The following DCAF8L2 variants were observed in gnomAD, a reference collection of about 807,000 sequenced individuals.
The protein encoded by DCAF8L2 is DDB1 and CUL4 associated factor 8 like 2.
For missense variants in DCAF8L2, 430 were observed against 490.7 expected, an observed-to-expected ratio of 0.88 and a Z score of 1.17; for synonymous variants, 200 against 190.9, an observed-to-expected ratio of 1.05 and a Z score of -0.39.
chrX:27,725,697 C>T (rs1932047740), intron 4 of DCAF8L2, among the ~76,000 whole-genome samples: 1 of 104,903 alleles, frequency 9.5e-6, no homozygotes, highest in Non-Finnish European at 2.0e-5. Flanking sequence ...GATAGTGTTA[C>T]AAGTAGAATA....
intron 3 of DCAF8L2, among the ~76,000 whole-genome samples, chrX:27,692,827 T>G (rs753600498): frequency 9.0e-6 from 1 of 110,864 alleles, no homozygotes; most frequent in Non-Finnish European, 1.9e-5. Flanking sequence ...TCTACTACCA[T>G]TTAGTGGGTA....
intron 4 of DCAF8L2, 73 bp downstream of exon 4, chrX:27,716,244 A>T (rs1242646933): frequency 8.9e-6 from 1 of 111,873 alleles, no homozygotes; most frequent in African/African-American, 3.3e-5. Context: ...CTTAGTGGTT[A>T]AAAAGCTTTA....
chrX:27,588,342 G>A (rs2147103636), upstream of DCAF8L2, among the ~76,000 whole-genome samples: 1 of 110,485 alleles, frequency 9.1e-6, no homozygotes, highest in African/African-American at 3.3e-5. Context: ...TATCTTTTTT[G>A]TGGCTGCATA....
chrX:27,636,331 A>T (rs1193487778), intron 2 of DCAF8L2, among the ~76,000 whole-genome samples: 5 of 112,155 alleles, frequency 4.5e-5, no homozygotes, highest in African/African-American at 6.5e-5. Flanking sequence ...ATTTATTATT[A>T]AACCCATTTC....
the DCAF8L2 span, among the ~76,000 whole-genome samples, chrX:27,498,856 T>A: frequency 8.9e-6 from 1 of 112,231 alleles, no homozygotes; most frequent in Non-Finnish European, 1.9e-5. Context: ...CCTAGGTTGA[T>A]CTGTGTTGTC....
the DCAF8L2 span, among the ~76,000 whole-genome samples, chrX:27,477,445 G>A: frequency 8.2e-5 from 9 of 110,387 alleles, no homozygotes; most frequent in African/African-American, 2.6e-4. Flanking sequence ...CCACCACCAC[G>A]CCCAGCTAAT....
intron 2 of DCAF8L2, among the ~76,000 whole-genome samples, chrX:27,651,238 C>T (rs1321096564): frequency 2.7e-5 from 3 of 111,127 alleles, no homozygotes; most frequent in African/African-American, 9.8e-5. Context: ...TTCATCAGGG[C>T]TATTGGCCTG....
At chrX:27,492,461 T>C in the DCAF8L2 span, among the ~76,000 whole-genome samples, 1 of 107,879 alleles carries the variant, frequency 9.3e-6, no homozygotes, top group Non-Finnish European at 1.9e-5. Context: ...TAACTCCATG[T>C]TTTTCTTTTT....
At chrX:27,725,830 G>A (rs1932052780) in intron 4 of DCAF8L2, among the ~76,000 whole-genome samples, 1 of 110,128 alleles carries the variant, frequency 9.1e-6, no homozygotes, top group Non-Finnish European at 1.9e-5. Context: ...CATCTTTTAA[G>A]TGTAAATATA....
chrX:27,580,403 TC>T, the DCAF8L2 span, among the ~76,000 whole-genome samples: 3 of 111,346 alleles, frequency 2.7e-5, no homozygotes, highest in African/African-American at 9.8e-5. Context: ...TAAAGCTATT[TC>T]CCCCTTCTGC....
chrX:27,540,758 G>A, the DCAF8L2 span, among the ~76,000 whole-genome samples: 1 of 111,759 alleles, frequency 8.9e-6, no homozygotes, highest in Non-Finnish European at 1.9e-5. Flanking sequence ...AAATGTTTGA[G>A]GTGATGGATA....
At chrX:27,746,650 C>T (rs1277168727) in intron 4 of DCAF8L2, among the ~76,000 whole-genome samples, 188 bp from the exon 5 acceptor site, 1 of 111,969 alleles carries the variant, frequency 8.9e-6, no homozygotes, top group Non-Finnish European at 1.9e-5. Context: ...AAAACTAGAG[C>T]AGTCTGGATG....
the DCAF8L2 span, among the ~76,000 whole-genome samples, chrX:27,485,515 G>A: frequency 1.2e-3 from 132 of 110,936 alleles, 1 homozygote; most frequent in Admixed American, 2.8e-3. Flanking sequence ...CATCATCTGG[G>A]ATCCAAATAA....
At chrX:27,718,383 G>C (rs2147293316) in intron 4 of DCAF8L2, among the ~76,000 whole-genome samples, 1 of 111,908 alleles carries the variant, frequency 8.9e-6, no homozygotes, top group South Asian at 3.7e-4. Context: ...TATAAATATA[G>C]CACAATTTGT....
At chrX:27,564,290 A>G in the DCAF8L2 span, among the ~76,000 whole-genome samples, 2 of 111,194 alleles carry the variant, frequency 1.8e-5, no homozygotes, top group Admixed American at 9.6e-5. Flanking sequence ...TAACCACCCC[A>G]TGATTCAATT....
the DCAF8L2 span, among the ~76,000 whole-genome samples, chrX:27,551,503 A>C: frequency 9.0e-6 from 1 of 111,420 alleles, no homozygotes; most frequent in Non-Finnish European, 1.9e-5. Context: ...TACGAAAAAA[A>C]TGTTATTCAC....
chrX:27,515,564 A>G, the DCAF8L2 span, among the ~76,000 whole-genome samples: 1 of 111,941 alleles, frequency 8.9e-6, no homozygotes, highest in Non-Finnish European at 1.9e-5. Context: ...AAACAAACAA[A>G]CAAAAGGAAA....
chrX:27,573,377 C>G, the DCAF8L2 span, among the ~76,000 whole-genome samples: 1 of 110,781 alleles, frequency 9.0e-6, no homozygotes, highest in South Asian at 3.8e-4. Context: ...CTCTCTTAAG[C>G]TGGCCTCTGG....
At position 27,727,575 on chromosome X, in the gene DCAF8L2, C is replaced by A. The variant is rs1352705863; in HGVS notation, c.-59+11404C>A. ...ATCATAATTTTGATGCCTACAAATT[C>A]TTCAACTTTTTTTCTTCAAATATAT... On this transcript the variant is annotated intron_variant, in intron 4 of 4. Transcript: ENST00000451261. Among the ~76,000 whole-genome samples, 3 of 111,484 alleles carry A rather than the reference C, an allele frequency of 2.7e-5. No homozygotes were observed. In the Admixed American group the frequency reaches 2.9e-4, roughly 11 times the overall value.
Sources: gnomAD v4.1 joint callset for allele counts (sites outside exome capture counted in the v4.1 genomes callset) on GRCh38, gnomAD v4.1.1 for gene constraint, MANE v1.5 for transcripts, NCBI Gene and HGNC (gene_info 2026-07-23, HGNC 2026-07-21) for gene names.